Variants in LPP observed in about 807,000 individuals in gnomAD.
LPP encodes the protein LIM domain containing preferred translocation partner in lipoma, also known as lipoma-preferred partner.
LPP carries 38 observed loss-of-function variants against 60.4 expected under a neutral mutation model. That is an observed-to-expected ratio of 0.63 (90% CI 0.49 to 0.83). LPP has a LOEUF of 0.83. Ranked by LOEUF, LPP falls within the 40% of genes least tolerant of loss-of-function variation. The pLI, the probability that LPP is intolerant of heterozygous loss-of-function variation, is 0.00. For synonymous variants in LPP, 328 were observed against 290.8 expected (o/e 1.13, Z -1.30); for missense variants, 902 against 783.6 (o/e 1.15, Z -1.80).
chr3:188,534,823 C>T (rs1482580787), intron 6 of LPP, among the ~76,000 whole-genome samples: 1 of 152,154 alleles, frequency 6.6e-6, no homozygotes, highest in Non-Finnish European at 1.5e-5. Flanking sequence ...ACTCATCCTA[C>T]ATATCACAAT....
At position 188,554,436 on chromosome 3, in the gene LPP, G is replaced by C. The variant is rs1328979734; in HGVS notation, c.429+29649G>C. 5.9e-5 allele frequency among the ~76,000 whole-genome samples: 9 copies of C among 152,288 alleles called. No homozygotes were observed. In the East Asian group the frequency reaches 1.7e-3, roughly 29 times the overall value. On this transcript the variant is annotated intron_variant, in intron 6 of 11. Transcript: ENST00000617246. ...ACAAGTTGTAGTTCAATTTATACCA[G>C]ATTATGGAACACTAGAGATTTACAG...
intron 6 of LPP, among the ~76,000 whole-genome samples, chr3:188,556,505 T>A (rs916964928): frequency 6.6e-6 from 1 of 152,130 alleles, no homozygotes; most frequent in African/African-American, 2.4e-5. Flanking sequence ...CTAACATCTA[T>A]AAAATTACAC....
At chr3:188,534,658 ATTG>A (rs1325412995) in intron 6 of LPP, among the ~76,000 whole-genome samples, 1 of 152,152 alleles carries the variant, frequency 6.6e-6, no homozygotes, top group Non-Finnish European at 1.5e-5. Context: ...AATATGTAGG[ATTG>A]TTGTGTTTTA....
rs1342207321 is a variant in LPP at position 188,495,082 on chromosome 3, A to ATATTTTT, written c.306+10379_306+10380insATTTTTT. The stretch of plus-strand genomic sequence containing the variant: ...CAGGATTTTATATATATATATATAT[A>ATATTTTT]TTTTATTTATATTTTATTATATATT... On this transcript the variant is annotated intron_variant, in intron 5 of 11. Transcript: ENST00000617246. Among the ~76,000 whole-genome samples the ATATTTTT allele has an allele frequency of 3.3e-3, 325 of 97,242 alleles. 14 individuals are homozygous for ATATTTTT. The highest frequency in any genetic ancestry group is 0.012 in the African/African-American group (290 of 25,080). The allele number at this position is 97,242 out of a possible 152,430, so 63.8% of individuals were successfully genotyped here.
rs187112234 is a variant in LPP at position 188,707,829 on chromosome 3, G to A, written c.1114-438G>A. On this transcript the variant is annotated intron_variant, in intron 7 of 11. Coordinates refer to ENST00000617246, the MANE Select transcript of LPP (RefSeq NM_001375462.1). Reference sequence around the variant, plus strand: ...GCTCCCTCTCTTCAGGAAGTCCGTCGCGGGCTATGCGAGAGGTCCCACCTT... The same window carrying A: ...GCTCCCTCTCTTCAGGAAGTCCGTCACGGGCTATGCGAGAGGTCCCACCTT... Among the ~76,000 whole-genome samples the A allele has an allele frequency of 7.3e-3, 1,107 of 152,240 alleles. 4 individuals carry two copies. Among genetic ancestry groups the A allele is most frequent in the Non-Finnish European group, 0.011 (721 of 68,000 alleles).
intron 9 of LPP, among the ~76,000 whole-genome samples, chr3:188,766,857 G>A (rs1442372624): frequency 6.6e-6 from 1 of 151,966 alleles, no homozygotes. Context: ...TTTACCTGTG[G>A]GTATGGAAGG....
At chr3:188,403,524 C>T (rs969613294) in intron 3 of LPP, among the ~76,000 whole-genome samples, 1 of 152,116 alleles carries the variant, frequency 6.6e-6, no homozygotes, top group African/African-American at 2.4e-5. Flanking sequence ...TACTTGATCC[C>T]TTTTATTTCA....
chr3:188,394,551 AGTGTGTGTGTGTGTGTGT>A (rs1209092729), intron 3 of LPP, among the ~76,000 whole-genome samples: 1 of 146,884 alleles, frequency 6.8e-6, no homozygotes, highest in African/African-American at 2.5e-5. Flanking sequence ...AAATATCTAA[AGTGTGTGTGTGTGTGTGT>A]GTGTGTGTGT....
chr3:188,410,532 G>A (rs1013780176), intron 4 of LPP, among the ~76,000 whole-genome samples: 56 of 152,130 alleles, frequency 3.7e-4, no homozygotes, highest in African/African-American at 1.3e-3. Context: ...TGAAAAGTGG[G>A]GCATGCTTTT....
intron 4 of LPP, among the ~76,000 whole-genome samples, chr3:188,463,192 T>C (rs1799560512): frequency 6.6e-6 from 1 of 152,054 alleles, no homozygotes; most frequent in African/African-American, 2.4e-5. Context: ...GTGGGGTGTA[T>C]GTGTATGTGT....
At chr3:188,674,599 C>A (rs1455659110) in intron 7 of LPP, among the ~76,000 whole-genome samples, 1 of 152,130 alleles carries the variant, frequency 6.6e-6, no homozygotes, top group African/African-American at 2.4e-5. Context: ...CAAAGGAAAA[C>A]GATTATGTAA....
In LPP at chr3:188,876,459, G is replaced by A. The variant is rs1345021445; in HGVS notation, c.*1980G>A. 1 of 196,884 alleles carries A rather than the reference G, an allele frequency of 5.1e-6. No individual in the cohort carries two copies. The highest frequency in any genetic ancestry group is 1.1e-5 in the Non-Finnish European group (1 of 94,980). The allele number at this position is 196,884 out of a possible 1,614,324, so 12.2% of individuals were successfully genotyped here. On this transcript the variant is annotated 3_prime_UTR_variant, in exon 12 of 12. Coordinates refer to ENST00000617246, the MANE Select transcript of LPP (RefSeq NM_001375462.1). ...TCTTTGATCGTATATTTCTCATAAT[G>A]TGAAATATGATGAGATTCACTTAGG... is the stretch of plus-strand genomic sequence containing the variant.
chr3:188,225,936 G>A (rs1223579567), intron 2 of LPP, among the ~76,000 whole-genome samples: 1 of 152,214 alleles, frequency 6.6e-6, no homozygotes, highest in African/African-American at 2.4e-5. Flanking sequence ...TACAAGGAAA[G>A]AAAGCAGTAT....
rs966277625 is a variant in LPP, at chr3:188,467,150, G to T, written c.194-17442G>T. Among the ~76,000 whole-genome samples, 4 of 151,740 alleles carry T rather than the reference G, an allele frequency of 2.6e-5. No individual in the cohort carries two copies. In the South Asian group the frequency reaches 8.3e-4, roughly 32 times the overall value. ...GGGACAATATAAAACTTGTTTAGCT[G>T]CAATCTTAACTCAGACTTGCTTCCT... On this transcript the variant is annotated intron_variant, in intron 4 of 11. Coordinates refer to ENST00000617246, the MANE Select transcript of LPP (RefSeq NM_001375462.1).
At chr3:188,742,872 A>C (rs990944655) in intron 8 of LPP, among the ~76,000 whole-genome samples, 1 of 152,184 alleles carries the variant, frequency 6.6e-6, no homozygotes, top group African/African-American at 2.4e-5. Flanking sequence ...GTTTTTCACC[A>C]ATTGGTTTGA....
rs149815310 is a variant in LPP, at chr3:188,403,646, CAGCCATGTGAG to C, written c.-9-2464_-9-2454del. ...AAGCAAAACCAAAATTGGCATTTCTCAGCCATGTGAGATGGGTTTGGTTTTGGTATTTAGAA... is the reference window on the plus strand; with the variant it reads ...AAGCAAAACCAAAATTGGCATTTCTCATGGGTTTGGTTTTGGTATTTAGAA... On this transcript the variant is annotated intron_variant, in intron 3 of 11. Transcript: ENST00000617246. Among the ~76,000 whole-genome samples the C allele has an allele frequency of 1.2e-3, 178 of 152,158 alleles. No individual in the cohort carries two copies. In the East Asian group the frequency reaches 0.031, roughly 26 times the overall value.
At chr3:188,522,581 A>C (rs1435398076) in intron 5 of LPP, among the ~76,000 whole-genome samples, 1 of 152,052 alleles carries the variant, frequency 6.6e-6, no homozygotes, top group Non-Finnish European at 1.5e-5. Flanking sequence ...ACAGGAACAA[A>C]ACAGACAAAG....
intron 5 of LPP, among the ~76,000 whole-genome samples, chr3:188,508,303 A>G (rs552942045): frequency 2.0e-5 from 3 of 152,320 alleles, no homozygotes; most frequent in African/African-American, 7.2e-5. Context: ...ATCCTTTGGA[A>G]AAAAATGAGG....
chr3:188,735,500 G>T (rs1278901591), intron 8 of LPP, among the ~76,000 whole-genome samples: 1 of 151,890 alleles, frequency 6.6e-6, no homozygotes, highest in Non-Finnish European at 1.5e-5. Context: ...TCCTGCCTCA[G>T]CCTCCCGAGT....
Sources: allele counts gnomAD v4.1 joint callset (sites outside exome capture counted in the v4.1 genomes callset), GRCh38; gene constraint gnomAD v4.1.1; transcripts MANE v1.5; gene names NCBI Gene and HGNC (gene_info 2026-07-23, HGNC 2026-07-21).